The following COL11A1 variants were observed in gnomAD, a reference collection of about 807,000 sequenced individuals.
COL11A1 encodes the protein collagen type XI alpha 1 chain.
In COL11A1, 74 loss-of-function variants were observed where a neutral mutation model predicts 265.2. The ratio of observed to expected loss-of-function variants is 0.28; its 90% confidence interval spans 0.23 to 0.34. The LOEUF is 0.34. Among genes scored for constraint, COL11A1 ranks in the 10% least tolerant of loss-of-function variants. The pLI is 1.00. For synonymous variants in COL11A1, 816 were observed against 727.6 expected, an observed-to-expected ratio of 1.12 and a Z score of -1.96; for missense variants, 2,165 against 2,263.6, an observed-to-expected ratio of 0.96 and a Z score of 0.88.
chr1:102,943,739 C>T (rs1463044), intron 42 of COL11A1, among the ~76,000 whole-genome samples: 139,181 of 152,174 alleles, frequency 0.91, 64,330 homozygotes, highest in East Asian at 1. Context: ...TTGAAGAATA[C>T]TTTTCCTAAA....
rs4013849 is a variant in COL11A1 at position 103,006,526 on chromosome 1, A to ATTTTTTTTTTT, written c.1684-222_1684-212dup. 9.7e-4 allele frequency among the ~76,000 whole-genome samples: 80 copies of ATTTTTTTTTTT among 82,884 alleles called. 6 individuals are homozygous for ATTTTTTTTTTT. Among genetic ancestry groups the ATTTTTTTTTTT allele is most frequent in the Non-Finnish European group, 1.2e-3 (58 of 47,228 alleles). 54.4% of individuals were successfully genotyped at this position (82,884 alleles called of 152,430 possible). On this transcript the variant is annotated intron_variant, in intron 15 of 66. Transcript: ENST00000370096. ...ATACCTATTTTTTCTAAATGGCTCCATTTTTTTTTTTTTTTTTTTTTTTTT... is the reference window on the plus strand; with the variant it reads ...ATACCTATTTTTTCTAAATGGCTCCATTTTTTTTTTTTTTTTTTTTTTTTTTTTTTTTTTTT...
intron 5 of COL11A1, among the ~76,000 whole-genome samples, chr1:103,027,294 ATAT>A (rs1395242728): frequency 2.0e-5 from 3 of 149,560 alleles, no homozygotes; most frequent in African/African-American, 7.3e-5. Context: ...CAAGATATAG[ATAT>A]TATTAAACAT....
At chr1:102,943,966 G>A (rs1042352164) in intron 42 of COL11A1, among the ~76,000 whole-genome samples, 2 of 152,162 alleles carry the variant, frequency 1.3e-5, no homozygotes, top group South Asian at 2.1e-4. Flanking sequence ...AATTGGAGAA[G>A]GTTTTAGCCC....
At chr1:102,943,540 C>A (rs1238065157) in intron 42 of COL11A1, among the ~76,000 whole-genome samples, 1 of 151,806 alleles carries the variant, frequency 6.6e-6, no homozygotes, top group African/African-American at 2.4e-5. Context: ...AACTTACACC[C>A]ATTATAATTC....
chr1:103,009,621 G>T (rs149459196), intron 14 of COL11A1, among the ~76,000 whole-genome samples: 1 of 152,216 alleles, frequency 6.6e-6, no homozygotes, highest in African/African-American at 2.4e-5. Context: ...CTGAAATACT[G>T]TGTGTTCTAA....
chr1:103,101,952 C>G (rs1177308052), intron 1 of COL11A1, among the ~76,000 whole-genome samples: 2 of 152,102 alleles, frequency 1.3e-5, no homozygotes, highest in East Asian at 1.9e-4. Context: ...GTTTATTTTA[C>G]CAGATAACAG....
chr1:103,036,951 A>T (rs1238196256), intron 4 of COL11A1, among the ~76,000 whole-genome samples: 1 of 152,088 alleles, frequency 6.6e-6, no homozygotes, highest in Non-Finnish European at 1.5e-5. Flanking sequence ...AAAATGTAAG[A>T]AAACTAAATA....
chr1:103,048,246 G>A (rs1442343222), intron 4 of COL11A1, among the ~76,000 whole-genome samples: 3 of 152,174 alleles, frequency 2.0e-5, no homozygotes, highest in Non-Finnish European at 4.4e-5. Flanking sequence ...ACTTTTTTTG[G>A]TTGTTAAGCT....
chr1:103,091,611 C>A lies in COL11A1; in HGVS notation c.107-8639G>T, dbSNP rs1181223371. Among the ~76,000 whole-genome samples, 2 of 151,976 alleles carry A rather than the reference C, an allele frequency of 1.3e-5. 1 individual carries two copies. Among genetic ancestry groups the A allele is most frequent in the Admixed American group, 1.3e-4 (2 of 15,252 alleles). On this transcript the variant is annotated intron_variant, in intron 1 of 66. Transcript: ENST00000370096. ...ATTACTACAGGACATGGGAAGTGTT[C>A]CACAATATTATTTAGAGTTCAATTT...
chr1:102,962,786 T>C (rs538745102), intron 38 of COL11A1, 26 bp from the exon 39 acceptor site: 3 of 1,594,278 alleles, frequency 1.9e-6, no homozygotes, highest in South Asian at 1.1e-5. Flanking sequence ...AAAATCACTT[T>C]AGATTGCTCT....
rs1447838761 is a variant in COL11A1 at position 103,087,438 on chromosome 1, A to G, written c.107-4466T>C. Among the ~76,000 whole-genome samples the G allele has an allele frequency of 2.6e-5, 4 of 152,304 alleles. No individual in the cohort carries two copies. The East Asian group carries it at 5.8e-4, about 22-fold the overall frequency. ...TCACTCTGATGTTTAAATTCCTTCAAAGAACCCCACTGGCTCTCAGATGAT... is the reference window on the plus strand; with the variant it reads ...TCACTCTGATGTTTAAATTCCTTCAGAGAACCCCACTGGCTCTCAGATGAT... On this transcript the variant is annotated intron_variant, in intron 1 of 66. Transcript: ENST00000370096.
intron 13 of COL11A1, 63 bp from the exon 14 acceptor site, chr1:103,012,532 A>G: frequency 8.2e-7 from 1 of 1,225,750 alleles, no homozygotes; most frequent in Non-Finnish European, 1.2e-6. Flanking sequence ...AAAGTACAAT[A>G]TGAATCTGCA....
chr1:103,037,015 A>G (rs1668423497), intron 4 of COL11A1, among the ~76,000 whole-genome samples: 1 of 145,208 alleles, frequency 6.9e-6, no homozygotes, highest in Non-Finnish European at 1.5e-5. Context: ...TTGCAAAAGG[A>G]TCTCACTATT....
chr1:103,105,573 T>C (rs1674628217), intron 1 of COL11A1, among the ~76,000 whole-genome samples: 1 of 152,140 alleles, frequency 6.6e-6, no homozygotes, highest in Non-Finnish European at 1.5e-5. Context: ...TATATAAAAG[T>C]AGTATCTGTT....
At chr1:102,988,469 T>C (rs374614805) in intron 29 of COL11A1, among the ~76,000 whole-genome samples, 97 of 152,314 alleles carry the variant, frequency 6.4e-4, no homozygotes, top group African/African-American at 2.3e-3. Context: ...AGGCCCTGTC[T>C]GGGCAGCAGG....
intron 4 of COL11A1, among the ~76,000 whole-genome samples, chr1:103,057,438 A>G (rs1670331880): frequency 6.6e-6 from 1 of 152,174 alleles, no homozygotes; most frequent in African/African-American, 2.4e-5. Flanking sequence ...ATTTTGAAAC[A>G]AACTTCTCCT....
At chr1:102,994,448 A>G (rs773652222) in intron 28 of COL11A1, among the ~76,000 whole-genome samples, 1 of 152,032 alleles carries the variant, frequency 6.6e-6, no homozygotes, top group South Asian at 2.1e-4. Context: ...CTCCCAGCAC[A>G]TAGGATGCCT....
chr1:103,071,661 G>A (rs377026402), intron 4 of COL11A1, among the ~76,000 whole-genome samples: 3 of 150,924 alleles, frequency 2.0e-5, no homozygotes, highest in African/African-American at 7.3e-5. Flanking sequence ...ACAGACAGAC[G>A]GACCCATGAG....
chr1:103,039,190 A>G (rs1668617080), intron 4 of COL11A1, among the ~76,000 whole-genome samples: 1 of 152,198 alleles, frequency 6.6e-6, no homozygotes, highest in Non-Finnish European at 1.5e-5. Context: ...ATCAGACTGC[A>G]TCATTGAAAC....
Sources: allele counts gnomAD v4.1 joint callset (sites outside exome capture counted in the v4.1 genomes callset), GRCh38; gene constraint gnomAD v4.1.1; transcripts MANE v1.5; gene names NCBI Gene and HGNC (gene_info 2026-07-23, HGNC 2026-07-21).